The following SLC3A2 variants were observed in gnomAD, a reference collection of about 807,000 sequenced individuals.
SLC3A2 encodes the protein solute carrier family 3 member 2, also known as amino acid transporter heavy chain SLC3A2.
In SLC3A2, 32 loss-of-function variants were observed where a neutral mutation model predicts 48.5. That is an observed-to-expected ratio of 0.66 (90% CI 0.50 to 0.89). SLC3A2 has a LOEUF of 0.89. SLC3A2 is among the 40% of genes least tolerant of loss of function. The probability of loss-of-function intolerance (pLI) is 0.00; values close to 1 mark genes in which losing one functional copy is unlikely to be tolerated. For missense variants in SLC3A2, 587 were observed against 680.7 expected (o/e 0.86, Z 1.53); for synonymous variants, 277 against 288.8 (o/e 0.96, Z 0.41).
chr11:62,857,036 C>A (rs2085336564), intron 1 of SLC3A2, among the ~76,000 whole-genome samples: 1 of 151,698 alleles, frequency 6.6e-6, no homozygotes, highest in Non-Finnish European at 1.5e-5. Flanking sequence ...TTGGTCAGGC[C>A]GGTCTTGAAC....
chr11:62,878,518 T>C (rs1223207242), upstream of SLC3A2, among the ~76,000 whole-genome samples: 2 of 151,514 alleles, frequency 1.3e-5, no homozygotes, highest in African/African-American at 2.4e-5. Flanking sequence ...CAGGCTGGAG[T>C]GCAGTGGCGC....
intron 1 of SLC3A2, among the ~76,000 whole-genome samples, chr11:62,868,170 C>T (rs529482176): frequency 7.2e-5 from 11 of 152,078 alleles, no homozygotes; most frequent in Non-Finnish European, 1.6e-4. Flanking sequence ...GATCTGCCTG[C>T]CTTGGCCTCC....
At chr11:62,879,552 G>A (rs1293443026), upstream of SLC3A2, among the ~76,000 whole-genome samples, 4 of 152,358 alleles carry the variant, frequency 2.6e-5, no homozygotes, top group African/African-American at 7.2e-5. Context: ...GGGCTGCCCC[G>A]TGCACCCCTT....
At chr11:62,857,074 C>T (rs889746462) in intron 1 of SLC3A2, among the ~76,000 whole-genome samples, 15 of 152,128 alleles carry the variant, frequency 9.9e-5, no homozygotes, top group Admixed American at 2.0e-4. Flanking sequence ...CCGCCTGCCT[C>T]GGCCTCCCAA....
chr11:62,862,285 G>T (rs2085407960), intron 1 of SLC3A2, among the ~76,000 whole-genome samples: 1 of 120,690 alleles, frequency 8.3e-6, no homozygotes, highest in African/African-American at 3.2e-5. Flanking sequence ...GATGAGCTGA[G>T]ATCACGCCAT....
intron 2 of SLC3A2, chr11:62,882,323 A>G: frequency 4.5e-6 from 2 of 448,752 alleles, no homozygotes; most frequent in Non-Finnish European, 8.1e-6. Flanking sequence ...GATATTTACT[A>G]AACCAGTGGT....
At chr11:62,887,574 G>A (rs954328913) in intron 7 of SLC3A2, among the ~76,000 whole-genome samples, 3 of 152,036 alleles carry the variant, frequency 2.0e-5, no homozygotes, top group African/African-American at 7.2e-5. Context: ...GTGTGGTGGT[G>A]CACACCTATG....
chr11:62,888,053 T>A, intron 7 of SLC3A2, 82 bp from the exon 8 acceptor site: 3 of 1,294,808 alleles, frequency 2.3e-6, no homozygotes, highest in Non-Finnish European at 3.3e-6. Context: ...GGCCTTGACC[T>A]CCCAGACTGC....
In SLC3A2 at chr11:62,882,984, G is replaced by C. The variant is rs747452371; in HGVS notation, c.675G>C (p.Val225=). ...NSWFSTQVDT[V]ATKVKDALEF... is the part of the protein sequence containing the mutation. ...GGTTCTCCACTCAGGTTGACACTGT[G>C]GCCACCAAGGTGAAGGTGAGTGTTG... is the stretch of plus-strand genomic sequence containing the variant. The change falls in exon 3 of 9, where the codon GTG becomes GTC. Residue 225 remains valine, a synonymous_variant. Transcript: ENST00000338663. 3.1e-6 allele frequency: 5 copies of C among 1,614,172 alleles called. 2 individuals are homozygous for C. The South Asian group carries it at 5.5e-5, about 18-fold the overall frequency.
intron 5 of SLC3A2, 80 bp downstream of exon 5, chr11:62,884,770 T>C: frequency 4.7e-6 from 5 of 1,054,210 alleles, no homozygotes; most frequent in Non-Finnish European, 6.7e-6. Context: ...GAAGGGGGGA[T>C]TCCTAGTCTA....
At chr11:62,856,357 G>A in exon 1 of SLC3A2, 1 of 1,612,444 alleles carries the variant, frequency 6.2e-7, no homozygotes, top group Non-Finnish European at 8.5e-7. Context: ...TGGTGTCCAG[G>A]GTCTCAGCGC....
intron 1 of SLC3A2, among the ~76,000 whole-genome samples, chr11:62,869,060 C>T (rs551486125): frequency 1.3e-4 from 19 of 151,710 alleles, no homozygotes; most frequent in Admixed American, 3.9e-4. Context: ...CACCACGCCC[C>T]GCTAATTTTT....
At position 62,881,203 on chromosome 11, in the gene SLC3A2, C is replaced by CA; in HGVS notation, c.181dup (p.Thr61AsnfsTer110). The CA allele has an allele frequency of 6.3e-7, 1 of 1,591,190 alleles. No individual in the cohort carries two copies. Among genetic ancestry groups the CA allele is most frequent in the Non-Finnish European group, 8.5e-7 (1 of 1,170,782 alleles). ...CGGAGGCGGCAGCCGCGGCTAAGTT[C>CA]ACGGGCCTGTCCAAGGAGGAGCTGC... On this transcript the variant is annotated frameshift_variant, in exon 1 of 9. Transcript: ENST00000338663. LOFTEE classifies it high-confidence loss of function. The surrounding 1 kb of genome is among the most constrained non-coding windows in gnomAD (Gnocchi z 4.0).
At chr11:62,884,279 G>A in intron 3 of SLC3A2, 178 bp from the exon 4 acceptor site, 2 of 637,624 alleles carry the variant, frequency 3.1e-6, no homozygotes, top group Non-Finnish European at 5.6e-6. Context: ...GAAGGGTAGA[G>A]CTGGAGGGGT....
chr11:62,884,013 G>A (rs755193639), intron 3 of SLC3A2: 7 of 457,338 alleles, frequency 1.5e-5, no homozygotes, highest in Middle Eastern at 3.2e-4. Flanking sequence ...GGAGAGGGGG[G>A]ATCTTGACTG....
At chr11:62,882,371 G>A in intron 2 of SLC3A2, 1 of 337,012 alleles carries the variant, frequency 3.0e-6, no homozygotes. Flanking sequence ...TTGGGGGGGG[G>A]GAATCCCAAA....
At chr11:62,882,094 C>T in intron 2 of SLC3A2, 28 bp downstream of exon 2, 5 of 1,613,502 alleles carry the variant, frequency 3.1e-6, no homozygotes, top group Non-Finnish European at 4.2e-6. Context: ...CCCAAGGAAA[C>T]AGCTAGAAAG....
At chr11:62,857,270 C>G (rs528523183) in intron 1 of SLC3A2, among the ~76,000 whole-genome samples, 1 of 152,150 alleles carries the variant, frequency 6.6e-6, no homozygotes, top group South Asian at 2.1e-4. Context: ...TACAGGCTCC[C>G]GCCATCATCA....
intron 1 of SLC3A2, among the ~76,000 whole-genome samples, chr11:62,861,462 T>C (rs1263132600): frequency 6.6e-6 from 1 of 152,086 alleles, no homozygotes; most frequent in African/African-American, 2.4e-5. Flanking sequence ...GGTCTTGCTG[T>C]GTTGCCCAGG....
Sources: gnomAD v4.1 joint callset for allele counts (sites outside exome capture counted in the v4.1 genomes callset) on GRCh38, gnomAD v4.1.1 for gene constraint, Gnocchi (gnomAD v3.1) non-coding constraint, MANE v1.5 for transcripts, NCBI Gene and HGNC (gene_info 2026-07-23, HGNC 2026-07-21) for gene names.